The following TXLNB variants were observed in gnomAD, a reference collection of about 807,000 sequenced individuals.
The protein encoded by TXLNB is beta-taxilin.
In TXLNB, 37 loss-of-function variants were observed where a neutral mutation model predicts 57.4. The observed-to-expected ratio is 0.64, with a 90% CI of 0.50 to 0.85. TXLNB has a LOEUF of 0.85. TXLNB is among the 40% of genes least tolerant of loss of function. The pLI, the probability that TXLNB is intolerant of heterozygous loss-of-function variation, is 0.00. For synonymous variants in TXLNB, 302 were observed against 309.6 expected (o/e 0.98, Z 0.26); for missense variants, 848 against 825.6 (o/e 1.03, Z -0.33).
chr6:139,298,389 T>C, the TXLNB span, among the ~76,000 whole-genome samples: 1 of 152,248 alleles, frequency 6.6e-6, no homozygotes, highest in Non-Finnish European at 1.5e-5. Context: ...CAAATTAATA[T>C]GACATTGCTG....
the TXLNB span, among the ~76,000 whole-genome samples, chr6:139,160,093 C>T: frequency 6.6e-6 from 1 of 152,154 alleles, no homozygotes; most frequent in Non-Finnish European, 1.5e-5. Flanking sequence ...GCCCAGGTGA[C>T]TGCAGCCTAG....
chr6:139,191,284 G>A, the TXLNB span, among the ~76,000 whole-genome samples: 1 of 152,152 alleles, frequency 6.6e-6, no homozygotes, highest in Admixed American at 6.5e-5. Context: ...CGGGCTTGGT[G>A]GCACATGCCT....
chr6:139,167,675 C>T, the TXLNB span, among the ~76,000 whole-genome samples: 1 of 152,132 alleles, frequency 6.6e-6, no homozygotes, highest in Admixed American at 6.5e-5. Flanking sequence ...TGTGTATCCT[C>T]TTAGATCCTT....
chr6:139,303,203 C>T, the TXLNB span, among the ~76,000 whole-genome samples: 4 of 152,088 alleles, frequency 2.6e-5, no homozygotes, highest in African/African-American at 4.8e-5. Flanking sequence ...GATTTTGGAT[C>T]CTGGGTCAAA....
At chr6:139,299,224 A>C in the TXLNB span, among the ~76,000 whole-genome samples, 1 of 152,152 alleles carries the variant, frequency 6.6e-6, no homozygotes. Flanking sequence ...TGGGTAAGAA[A>C]GCCCAGCTGG....
chr6:139,203,383 T>C, the TXLNB span, among the ~76,000 whole-genome samples: 234 of 152,296 alleles, frequency 1.5e-3, 2 homozygotes, highest in African/African-American at 5.3e-3. Flanking sequence ...ACTTCCACCC[T>C]TACCACTCGG....
intron 3 of TXLNB, among the ~76,000 whole-genome samples, chr6:139,272,728 C>T (rs1171260788): frequency 6.6e-6 from 1 of 152,116 alleles, no homozygotes; most frequent in Non-Finnish European, 1.5e-5. Flanking sequence ...GACTATTGTC[C>T]TTTCTTGAAA....
the TXLNB span, among the ~76,000 whole-genome samples, chr6:139,298,673 G>A: frequency 6.6e-6 from 1 of 152,172 alleles, no homozygotes; most frequent in Non-Finnish European, 1.5e-5. Context: ...TGCAACCCCT[G>A]CATGCCAGCA....
the TXLNB span, among the ~76,000 whole-genome samples, chr6:139,307,376 A>G: frequency 6.6e-6 from 1 of 152,098 alleles, no homozygotes; most frequent in Non-Finnish European, 1.5e-5. Flanking sequence ...TTTTGTAGGA[A>G]CAAGGTCTTG....
At chr6:139,269,571 A>G (rs1583014147) in intron 4 of TXLNB, among the ~76,000 whole-genome samples, 1 of 152,378 alleles carries the variant, frequency 6.6e-6, no homozygotes, top group East Asian at 1.9e-4. Flanking sequence ...ATGAGGAACC[A>G]TGATTCTCTT....
the TXLNB span, chr6:139,234,638 G>C: frequency 6.6e-6 from 1 of 152,436 alleles, no homozygotes. Flanking sequence ...AGGATATAAG[G>C]AAATGCCTGG....
intron 3 of TXLNB, chr6:139,271,798 T>TC (rs1015669600): frequency 1.3e-5 from 2 of 152,390 alleles, no homozygotes; most frequent in African/African-American, 4.8e-5. Flanking sequence ...CAGCCCTTTG[T>TC]CCAGAGCCAT....
the TXLNB span, among the ~76,000 whole-genome samples, chr6:139,225,431 A>T: frequency 2.0e-5 from 3 of 152,186 alleles, no homozygotes; most frequent in Non-Finnish European, 4.4e-5. Flanking sequence ...ATATCCAAAA[A>T]CATCTGCAAA....
chr6:139,215,326 T>A, the TXLNB span, among the ~76,000 whole-genome samples: 8 of 152,008 alleles, frequency 5.3e-5, no homozygotes, highest in African/African-American at 1.7e-4. Context: ...ATGCCACATA[T>A]CTACAACTAT....
the TXLNB span, among the ~76,000 whole-genome samples, chr6:139,314,251 A>G: frequency 6.6e-6 from 1 of 152,190 alleles, no homozygotes; most frequent in Non-Finnish European, 1.5e-5. Flanking sequence ...TTAGAGTCTG[A>G]TAAGAGACAT....
At position 139,288,810 on chromosome 6, in the gene TXLNB, C is replaced by T. The variant is rs267600843; in HGVS notation, c.90G>A (p.Leu30=). Residue 30 remains leucine, a synonymous_variant, in exon 2 of 10, where the codon CTG becomes CTA. Coordinates refer to ENST00000358430, the MANE Select transcript of TXLNB (RefSeq NM_153235.4). ...DSSSLPSHNG[L]EKEDGQDSPT... The stretch of plus-strand genomic sequence containing the variant: ...GAGAATCCTGGCCATCTTCCTTCTC[C>T]AGGCCATTGTGACTGGGTAATGATG... The T allele has an allele frequency of 6.2e-7, 1 of 1,614,230 alleles. No homozygotes were observed. The highest frequency in any genetic ancestry group is 8.5e-7 in the Non-Finnish European group (1 of 1,180,038).
chr6:139,193,026 C>T, the TXLNB span, among the ~76,000 whole-genome samples: 1 of 151,682 alleles, frequency 6.6e-6, no homozygotes, highest in Admixed American at 6.6e-5. Flanking sequence ...TCACTGGTGA[C>T]CTCCATGTGT....
chr6:139,228,894 T>C, the TXLNB span, among the ~76,000 whole-genome samples: 1 of 152,198 alleles, frequency 6.6e-6, no homozygotes, highest in African/African-American at 2.4e-5. Context: ...CCCTCTTCTA[T>C]GGCAGTTCTG....
the TXLNB span, among the ~76,000 whole-genome samples, chr6:139,217,159 C>T: frequency 1.5e-4 from 23 of 152,154 alleles, no homozygotes; most frequent in South Asian, 4.1e-4. Context: ...GTGGTGTGTG[C>T]CTGTTCTCCT....
Sources: allele counts gnomAD v4.1 joint callset (sites outside exome capture counted in the v4.1 genomes callset), GRCh38; gene constraint gnomAD v4.1.1; transcripts MANE v1.5; gene names NCBI Gene and HGNC (gene_info 2026-07-23, HGNC 2026-07-21).